OR2L13: variants seen among roughly 807,000 people sequenced by gnomAD.
OR2L13 encodes olfactory receptor family 2 subfamily L member 13.
OR2L13 carries 14 observed loss-of-function variants against 15.3 expected under a neutral mutation model. The ratio of observed to expected loss-of-function variants is 0.91; its 90% CI spans 0.60 to 1.43. The LOEUF is 1.43. Ranked by LOEUF, OR2L13 falls within the 40% of genes most tolerant of loss-of-function variation. The pLI, the probability that OR2L13 is intolerant of heterozygous loss-of-function variation, is 0.00. For synonymous variants in OR2L13, 152 were observed against 142.9 expected (o/e 1.06, Z -0.45); for missense variants, 367 against 387.9 (o/e 0.95, Z 0.45).
the OR2L13 span, among the ~76,000 whole-genome samples, chr1:247,967,176 C>T: frequency 6.6e-6 from 1 of 152,084 alleles, no homozygotes; most frequent in African/African-American, 2.4e-5. Flanking sequence ...TCTTAAGACA[C>T]AATGCACATC....
the OR2L13 span, among the ~76,000 whole-genome samples, chr1:247,984,173 A>G: frequency 1.3e-5 from 2 of 152,048 alleles, no homozygotes; most frequent in South Asian, 2.1e-4. Context: ...AGTAAAGGAT[A>G]TATTTTTATT....
the OR2L13 span, among the ~76,000 whole-genome samples, chr1:248,075,084 C>T: frequency 1.3e-5 from 2 of 152,026 alleles, no homozygotes; most frequent in African/African-American, 4.8e-5. Flanking sequence ...CAAGTGATCT[C>T]ATCGTTCAAT....
At chr1:247,951,051 A>G in the OR2L13 span, among the ~76,000 whole-genome samples, 4 of 133,174 alleles carry the variant, frequency 3.0e-5, no homozygotes, top group African/African-American at 5.0e-5. Flanking sequence ...TATTACTATT[A>G]TGTATCCATA....
the OR2L13 span, among the ~76,000 whole-genome samples, chr1:247,994,206 C>T: frequency 1.3e-5 from 2 of 152,094 alleles, no homozygotes; most frequent in Non-Finnish European, 2.9e-5. Flanking sequence ...ACCATCCTGG[C>T]TAACACGGTG....
chr1:248,044,796 C>T, the OR2L13 span, among the ~76,000 whole-genome samples: 38 of 62,510 alleles, frequency 6.1e-4, 4 homozygotes, highest in Admixed American at 7.8e-3. Flanking sequence ...GGCGACAGAG[C>T]GAAACTCCGT....
chr1:248,005,276 T>G, the OR2L13 span, among the ~76,000 whole-genome samples: 5 of 152,170 alleles, frequency 3.3e-5, no homozygotes, highest in South Asian at 2.1e-4. Flanking sequence ...TTGTATGCCT[T>G]TATCAAAACA....
exon 3 of OR2L13, chr1:248,100,759 T>C (rs986393341): frequency 5.9e-6 from 1 of 168,162 alleles, no homozygotes; most frequent in African/African-American, 2.4e-5. Flanking sequence ...GTAGTCAGTG[T>C]CTATAGTGTT....
the OR2L13 span, among the ~76,000 whole-genome samples, chr1:248,086,060 T>C: frequency 2.6e-5 from 4 of 152,226 alleles, no homozygotes; most frequent in African/African-American, 9.6e-5. Context: ...ATATCAGAGT[T>C]TGAAAATAGT....
chr1:247,957,773 G>T, the OR2L13 span, among the ~76,000 whole-genome samples: 1 of 152,132 alleles, frequency 6.6e-6, no homozygotes, highest in Non-Finnish European at 1.5e-5. Context: ...GTATTTCTGT[G>T]GGATCGGTGG....
the OR2L13 span, among the ~76,000 whole-genome samples, chr1:248,074,190 C>T: frequency 3.3e-5 from 5 of 151,936 alleles, no homozygotes; most frequent in African/African-American, 7.3e-5. Context: ...CTTAAAATAA[C>T]ATATATCAAT....
chr1:248,059,569 C>T, the OR2L13 span, among the ~76,000 whole-genome samples: 1,816 of 152,210 alleles, frequency 0.012, 29 homozygotes, highest in African/African-American at 0.041. Context: ...AAATCAAGAG[C>T]GTGAATTAAC....
chr1:248,091,489 C>T (rs1354743601), upstream of OR2L13, among the ~76,000 whole-genome samples: 2 of 151,922 alleles, frequency 1.3e-5, no homozygotes, highest in Non-Finnish European at 2.9e-5. Context: ...CAGTTACAAT[C>T]TTCTGCATTT....
the OR2L13 span, among the ~76,000 whole-genome samples, chr1:247,940,502 G>A: frequency 0.048 from 7,341 of 152,196 alleles, 279 homozygotes; most frequent in Middle Eastern, 0.11. Context: ...ATGGGTGAAA[G>A]TGTTACTTTG....
At chr1:248,088,090 T>G in the OR2L13 span, among the ~76,000 whole-genome samples, 1 of 152,186 alleles carries the variant, frequency 6.6e-6, no homozygotes, top group African/African-American at 2.4e-5. Flanking sequence ...AATATAGCAA[T>G]GTAAACAATG....
At chr1:248,069,125 G>C in the OR2L13 span, among the ~76,000 whole-genome samples, 1 of 151,980 alleles carries the variant, frequency 6.6e-6, no homozygotes, top group Admixed American at 6.6e-5. Flanking sequence ...TACAGAGAAC[G>C]CCACAAAGAT....
At chr1:248,022,913 C>T in the OR2L13 span, 74 of 1,569,064 alleles carry the variant, frequency 4.7e-5, no homozygotes, top group African/African-American at 2.2e-4. Flanking sequence ...AGAGTCAAAG[C>T]GCTAGGTTCA....
At chr1:248,093,806 A>C (rs1374531867), upstream of OR2L13, among the ~76,000 whole-genome samples, 1 of 152,142 alleles carries the variant, frequency 6.6e-6, no homozygotes, top group East Asian at 1.9e-4. Flanking sequence ...ATTATATTAC[A>C]TGAAATAAGC....
chr1:247,939,610 A>G, the OR2L13 span: 2 of 152,044 alleles, frequency 1.3e-5, no homozygotes, highest in Non-Finnish European at 2.9e-5. Flanking sequence ...CATTCTACAT[A>G]AAAAAAAGAA....
At chr1:248,016,758 G>A in the OR2L13 span, among the ~76,000 whole-genome samples, 1 of 151,642 alleles carries the variant, frequency 6.6e-6, no homozygotes. Flanking sequence ...TGTTTTCATA[G>A]ATATGTATGT....
Sources: gnomAD v4.1 joint callset for allele counts (sites outside exome capture counted in the v4.1 genomes callset) on GRCh38, gnomAD v4.1.1 for gene constraint, MANE v1.5 for transcripts, NCBI Gene and HGNC (gene_info 2026-07-23, HGNC 2026-07-21) for gene names.